The following ERBB4 variants were observed in gnomAD, a reference collection of about 807,000 sequenced individuals.
ERBB4 encodes erb-b2 receptor tyrosine kinase 4.
Under a neutral mutation model 158.0 loss-of-function variants are expected in ERBB4, and 42 were observed. The observed-to-expected ratio is 0.27, with a 90% CI of 0.21 to 0.34. ERBB4 has a LOEUF of 0.34. ERBB4 is among the 10% of genes least tolerant of loss of function. ERBB4 has a pLI of 1.00. For synonymous variants in ERBB4, 583 were observed against 558.7 expected (o/e 1.04, Z -0.61); for missense variants, 1,333 against 1,624.1 (o/e 0.82, Z 3.08).
intron 2 of ERBB4, among the ~76,000 whole-genome samples, chr2:211,969,166 C>T (rs761472304): frequency 1.3e-5 from 2 of 151,640 alleles, no homozygotes; most frequent in South Asian, 4.1e-4. Flanking sequence ...TAAAAGCATA[C>T]CCCCTTTAGG....
intron 2 of ERBB4, among the ~76,000 whole-genome samples, chr2:212,106,730 G>T (rs989208211): frequency 6.6e-6 from 1 of 152,212 alleles, no homozygotes; most frequent in African/African-American, 2.4e-5. Context: ...ATGGTTTTAT[G>T]GGCCTGGCCC....
chr2:211,688,163 T>C (rs1448776972), intron 12 of ERBB4, among the ~76,000 whole-genome samples: 1 of 152,228 alleles, frequency 6.6e-6, no homozygotes, highest in African/African-American at 2.4e-5. Flanking sequence ...TTTTATATAT[T>C]CATCCATGTA....
intron 1 of ERBB4, among the ~76,000 whole-genome samples, chr2:212,241,793 T>C (rs1460042761): frequency 1.3e-5 from 2 of 152,166 alleles, no homozygotes; most frequent in African/African-American, 4.8e-5. Flanking sequence ...TTGTATGGCC[T>C]AGAGCAACTT....
At chr2:212,202,072 C>T (rs550598970) in intron 1 of ERBB4, among the ~76,000 whole-genome samples, 17 of 152,160 alleles carry the variant, frequency 1.1e-4, no homozygotes, top group South Asian at 1.0e-3. Context: ...AATACCAATT[C>T]GGTTACAAAG....
intron 2 of ERBB4, among the ~76,000 whole-genome samples, chr2:212,108,706 C>CTTTTTTTT (rs775193964): frequency 5.2e-5 from 5 of 97,064 alleles, no homozygotes; most frequent in African/African-American, 1.6e-4. Flanking sequence ...AATGGGTCTG[C>CTTTTTTTT]TTTTTTTTTT....
chr2:212,514,729 C>T (rs1691726747), intron 1 of ERBB4, among the ~76,000 whole-genome samples: 1 of 152,102 alleles, frequency 6.6e-6, no homozygotes, highest in Non-Finnish European at 1.5e-5. Context: ...CTTCTGAACC[C>T]GGGAGGCAGA....
At chr2:211,589,804 T>C (rs1282996823) in intron 19 of ERBB4, among the ~76,000 whole-genome samples, 1 of 152,178 alleles carries the variant, frequency 6.6e-6, no homozygotes, top group East Asian at 1.9e-4. Context: ...GGTAACTATG[T>C]TCAAAATGTT....
intron 1 of ERBB4, among the ~76,000 whole-genome samples, chr2:212,423,171 G>C (rs770838951): frequency 1.3e-5 from 2 of 151,518 alleles, no homozygotes; most frequent in Non-Finnish European, 1.5e-5. Context: ...GTAAGTGAAG[G>C]GGGCAAAAAA....
chr2:211,742,038 A>T (rs924897982), intron 5 of ERBB4, among the ~76,000 whole-genome samples: 1 of 152,234 alleles, frequency 6.6e-6, no homozygotes, highest in Non-Finnish European at 1.5e-5. Flanking sequence ...AAATGGGAAT[A>T]ATTGAAATCA....
At chr2:211,768,518 G>A (rs1254054171) in intron 4 of ERBB4, among the ~76,000 whole-genome samples, 8 of 152,186 alleles carry the variant, frequency 5.3e-5, no homozygotes, top group Admixed American at 3.9e-4. Context: ...TCCTGGACAT[G>A]CAGACATTTC....
At chr2:212,370,042 A>G (rs1402629946) in intron 1 of ERBB4, among the ~76,000 whole-genome samples, 1 of 152,132 alleles carries the variant, frequency 6.6e-6, no homozygotes, top group Non-Finnish European at 1.5e-5. Context: ...TAGCTGATTG[A>G]CATGGTTTGG....
intron 1 of ERBB4, among the ~76,000 whole-genome samples, chr2:212,504,931 A>G (rs932820373): frequency 6.6e-6 from 1 of 152,204 alleles, no homozygotes; most frequent in Non-Finnish European, 1.5e-5. Context: ...AAAACTGAAA[A>G]ATATGTATGT....
At chr2:211,563,931 C>T (rs80134639) in intron 19 of ERBB4, among the ~76,000 whole-genome samples, 1 of 151,986 alleles carries the variant, frequency 6.6e-6, no homozygotes, top group Non-Finnish European at 1.5e-5. Context: ...TTGTATTACT[C>T]TTGAACATTT....
At chr2:212,403,771 C>T (rs1286388552) in intron 1 of ERBB4, among the ~76,000 whole-genome samples, 2 of 151,944 alleles carry the variant, frequency 1.3e-5, no homozygotes. Flanking sequence ...TACAAAGTTT[C>T]ATTTATGGAA....
At chr2:211,738,402 T>C (rs998423221) in intron 5 of ERBB4, among the ~76,000 whole-genome samples, 1 of 148,506 alleles carries the variant, frequency 6.7e-6, no homozygotes, top group Non-Finnish European at 1.5e-5. Flanking sequence ...AGAGTCTTGC[T>C]CTGTTGCCCA....
At chr2:211,614,138 G>C (rs965019932) in intron 19 of ERBB4, among the ~76,000 whole-genome samples, 4 of 151,922 alleles carry the variant, frequency 2.6e-5, no homozygotes, top group Non-Finnish European at 5.9e-5. Context: ...TAGAACCGGA[G>C]ATCATTATGT....
In ERBB4 at chr2:211,946,576, C is replaced by CTTTTTTT. The variant is rs56007115; in HGVS notation, c.421+847_421+853dup. Among the ~76,000 whole-genome samples, 167 of 49,602 alleles carry CTTTTTTT rather than the reference C, an allele frequency of 3.4e-3. 19 individuals carry two copies. Among genetic ancestry groups the CTTTTTTT allele is most frequent in the Middle Eastern group, 0.025 (1 of 40 alleles). 32.5% of individuals were successfully genotyped at this position (49,602 alleles called of 152,430 possible). A position where few individuals can be genotyped will look rare whatever the true frequency, so the allele number is the denominator to read the frequency against. On this transcript the variant is annotated intron_variant, in intron 3 of 27. Transcript: ENST00000342788. The stretch of plus-strand genomic sequence containing the variant: ...TACTAATTATTTACTAATTAGCTCT[C>CTTTTTTT]TTTTTTTTTTTTTTTTTTTTTTTTT...
chr2:211,738,650 G>A (rs1385617195), intron 5 of ERBB4, among the ~76,000 whole-genome samples: 1 of 151,036 alleles, frequency 6.6e-6, no homozygotes, highest in Non-Finnish European at 1.5e-5. Context: ...GCGGTTACAG[G>A]CATGAGCCAC....
At chr2:211,864,039 G>C (rs13011709) in intron 3 of ERBB4, among the ~76,000 whole-genome samples, 51,937 of 152,000 alleles carry the variant, frequency 0.34, 9,213 homozygotes, top group South Asian at 0.41. Context: ...GTAGCAAGGG[G>C]CCAAGACCAC....
Sources: gnomAD v4.1 joint callset for allele counts (sites outside exome capture counted in the v4.1 genomes callset) on GRCh38, gnomAD v4.1.1 for gene constraint, MANE v1.5 for transcripts, NCBI Gene and HGNC (gene_info 2026-07-23, HGNC 2026-07-21) for gene names.